SPTLC1: variants seen among roughly 807,000 people sequenced by gnomAD.
The protein encoded by SPTLC1 is serine palmitoyltransferase 1.
SPTLC1 carries 55 observed loss-of-function variants against 68.9 expected under a neutral mutation model. The observed-to-expected ratio is 0.80, with a 90% CI of 0.64 to 1.00. SPTLC1 has a LOEUF of 1.00. Among genes scored for constraint, SPTLC1 ranks in the 50% least tolerant of loss-of-function variants. The pLI, the probability that SPTLC1 is intolerant of heterozygous loss-of-function variation, is 0.00. For synonymous variants in SPTLC1, 197 were observed against 201.6 expected (o/e 0.98, Z 0.19); for missense variants, 449 against 573.1 (o/e 0.78, Z 2.21).
intron 3 of SPTLC1, among the ~76,000 whole-genome samples, chr9:92,094,795 G>A (rs1455399491): frequency 6.6e-6 from 1 of 152,164 alleles, no homozygotes; most frequent in South Asian, 2.1e-4. Flanking sequence ...TGCAGGTCTG[G>A]CCATTTCTCC....
chr9:92,079,796 A>G, intron 5 of SPTLC1: 1 of 654,410 alleles, frequency 1.5e-6, no homozygotes. Context: ...CATGCACACG[A>G]GGATGAGCCC....
At chr9:92,114,940 A>T (rs1041529516) in intron 1 of SPTLC1, 5 of 320,350 alleles carry the variant, frequency 1.6e-5, no homozygotes, top group Non-Finnish European at 3.0e-5. Flanking sequence ...CAAAGAGCTG[A>T]CTTCCTTAGG....
At chr9:92,097,809 T>G (rs1012540193) in intron 3 of SPTLC1, among the ~76,000 whole-genome samples, 1 of 152,182 alleles carries the variant, frequency 6.6e-6, no homozygotes, top group Non-Finnish European at 1.5e-5. Context: ...AATGACAGAT[T>G]TTATGGTATA....
chr9:92,103,247 A>G (rs918950908), intron 3 of SPTLC1, among the ~76,000 whole-genome samples: 8 of 152,180 alleles, frequency 5.3e-5, no homozygotes, highest in Non-Finnish European at 1.0e-4. Flanking sequence ...CCATTAGAAG[A>G]GCAATGTGGG....
In SPTLC1 at chr9:92,062,707, G is replaced by GT. The variant is rs1235320712; in HGVS notation, c.561-3400dup. Among the ~76,000 whole-genome samples the GT allele has an allele frequency of 2.0e-5, 3 of 152,186 alleles. No homozygotes were observed. In the East Asian group the frequency reaches 5.8e-4, roughly 29 times the overall value. ...AAGTGTAAGCTGGGCATAGTGGTGT[G>GT]TTTTTGTAGTCCCAACTACCCAGGA... On this transcript the variant is annotated intron_variant, in intron 6 of 14. Transcript: ENST00000262554.
intron 1 of SPTLC1, among the ~76,000 whole-genome samples, chr9:92,114,523 G>C (rs1266915450): frequency 6.6e-6 from 1 of 152,108 alleles, no homozygotes; most frequent in African/African-American, 2.4e-5. Flanking sequence ...ATCACCTGAG[G>C]TCGGGAGTTC....
chr9:92,079,798 G>A (rs1834814678), intron 5 of SPTLC1: 1 of 654,672 alleles, frequency 1.5e-6, no homozygotes, highest in Non-Finnish European at 2.7e-6. Flanking sequence ...TGCACACGAG[G>A]ATGAGCCCAC....
At chr9:92,085,419 C>T (rs1267221271) in intron 3 of SPTLC1, among the ~76,000 whole-genome samples, 1 of 151,878 alleles carries the variant, frequency 6.6e-6, no homozygotes, top group African/African-American at 2.4e-5. Context: ...TTGAATGTGT[C>T]CCAGAGATCC....
chr9:92,053,050 C>T (rs1242446352), intron 8 of SPTLC1, among the ~76,000 whole-genome samples: 1 of 150,656 alleles, frequency 6.6e-6, no homozygotes, highest in African/African-American at 2.4e-5. Flanking sequence ...AACAAAAAAA[C>T]AACCCAATTT....
intron 5 of SPTLC1, among the ~76,000 whole-genome samples, chr9:92,070,478 G>T (rs1191283987): frequency 1.3e-5 from 2 of 152,224 alleles, no homozygotes; most frequent in East Asian, 3.8e-4. Flanking sequence ...CGGCAGAGAA[G>T]TGACCATAGA....
intron 3 of SPTLC1, chr9:92,105,199 G>A: frequency 6.5e-7 from 1 of 1,534,150 alleles, no homozygotes; most frequent in Non-Finnish European, 8.7e-7. Flanking sequence ...CACCGCTGCA[G>A]CTGCAACCGA....
intron 3 of SPTLC1, among the ~76,000 whole-genome samples, chr9:92,102,531 C>T (rs1431724531): frequency 6.6e-6 from 1 of 152,082 alleles, no homozygotes; most frequent in Non-Finnish European, 1.5e-5. Context: ...AAATTTTGTG[C>T]ACTGACAAGG....
At chr9:92,039,757 T>G (rs1223401653) in intron 12 of SPTLC1, among the ~76,000 whole-genome samples, 2 of 152,232 alleles carry the variant, frequency 1.3e-5, no homozygotes, top group Admixed American at 6.5e-5. Flanking sequence ...GAATGACTAC[T>G]GTGTGTTACA....
chr9:92,079,826 ATTATTT>A (rs941118972), intron 5 of SPTLC1, 184 bp downstream of exon 5: 1 of 667,784 alleles, frequency 1.5e-6, no homozygotes, highest in Admixed American at 2.5e-5. Context: ...GGCTAATTTT[ATTATTT>A]TTTGTAGAGA....
At chr9:92,108,028 G>A (rs1836070895) in intron 3 of SPTLC1, 1 of 152,228 alleles carries the variant, frequency 6.6e-6, no homozygotes, top group Admixed American at 6.5e-5. Flanking sequence ...AGTGATGGAT[G>A]TGAAGGAATT....
intron 3 of SPTLC1, among the ~76,000 whole-genome samples, chr9:92,096,824 A>C (rs1835546079): frequency 1.3e-5 from 2 of 152,230 alleles, no homozygotes; most frequent in South Asian, 4.1e-4. Context: ...AAAACAGGGA[A>C]GTCAGACATC....
chr9:92,098,383 C>G (rs1258849477), intron 3 of SPTLC1, among the ~76,000 whole-genome samples: 2 of 152,190 alleles, frequency 1.3e-5, no homozygotes, highest in Non-Finnish European at 2.9e-5. Flanking sequence ...GGCCCTCCCC[C>G]TGCGGACCAG....
At chr9:92,048,101 A>G (rs1696242065) in intron 9 of SPTLC1, among the ~76,000 whole-genome samples, 1 of 152,222 alleles carries the variant, frequency 6.6e-6, no homozygotes, top group Non-Finnish European at 1.5e-5. Flanking sequence ...AGATAAATAA[A>G]AAGTCTATCG....
intron 8 of SPTLC1, among the ~76,000 whole-genome samples, chr9:92,051,532 G>A (rs568538071): frequency 2.6e-5 from 4 of 152,202 alleles, no homozygotes; most frequent in Non-Finnish European, 5.9e-5. Context: ...AATGGTAGAA[G>A]ACTGAAAGCT....
Sources: allele counts gnomAD v4.1 joint callset (sites outside exome capture counted in the v4.1 genomes callset), GRCh38; gene constraint gnomAD v4.1.1; transcripts MANE v1.5; gene names NCBI Gene and HGNC (gene_info 2026-07-23, HGNC 2026-07-21).